The following MACROD2 variants were observed in gnomAD, a reference collection of about 807,000 sequenced individuals.
The protein encoded by MACROD2 is ADP-ribose glycohydrolase MACROD2.
Under a neutral mutation model 70.4 loss-of-function variants are expected in MACROD2, and 36 were observed. The ratio of observed to expected loss-of-function variants is 0.51; its 90% CI spans 0.39 to 0.68. The LOEUF is 0.68. Among genes scored for constraint, MACROD2 ranks in the 30% least tolerant of loss-of-function variants. The probability of loss-of-function intolerance (pLI) is 0.00; values close to 1 mark genes in which losing one functional copy is unlikely to be tolerated. For synonymous variants in MACROD2, 172 were observed against 178.8 expected, an observed-to-expected ratio of 0.96 and a Z score of 0.30; for missense variants, 496 against 538.4, an observed-to-expected ratio of 0.92 and a Z score of 0.78.
At chr20:14,429,500 C>G (rs558588702) in intron 3 of MACROD2, among the ~76,000 whole-genome samples, 1 of 152,136 alleles carries the variant, frequency 6.6e-6, no homozygotes, top group Non-Finnish European at 1.5e-5. Flanking sequence ...TTTAGAAGAT[C>G]AGAGAAAGCT....
chr20:15,514,731 T>G lies in MACROD2; in HGVS notation c.645+14884T>G, dbSNP rs188747857. Among the ~76,000 whole-genome samples, 5 of 152,354 alleles carry G rather than the reference T, an allele frequency of 3.3e-5. No homozygotes were observed. The East Asian group carries it at 9.6e-4, about 29-fold the overall frequency. ...ACCTTACTTGAATTAAATAATTTAA[T>G]TATCACAAAGATGCTATGTTATAGT... On this transcript the variant is annotated intron_variant, in intron 8 of 17. Transcript: ENST00000684519.
chr20:14,736,383 GT>G (rs1485403921), intron 5 of MACROD2, among the ~76,000 whole-genome samples: 1 of 152,154 alleles, frequency 6.6e-6, no homozygotes, highest in Non-Finnish European at 1.5e-5. Flanking sequence ...TGATGAAAAT[GT>G]TGTGGAACTA....
chr20:14,926,909 A>G (rs2074239828), intron 5 of MACROD2, among the ~76,000 whole-genome samples: 1 of 152,192 alleles, frequency 6.6e-6, no homozygotes, highest in African/African-American at 2.4e-5. Flanking sequence ...AACTGACACT[A>G]TAGCCTTACC....
At chr20:15,030,215 C>A (rs896211293) in intron 5 of MACROD2, among the ~76,000 whole-genome samples, 1 of 152,080 alleles carries the variant, frequency 6.6e-6, no homozygotes, top group Non-Finnish European at 1.5e-5. Context: ...TCCCTTTGCA[C>A]AAGGCAGGCT....
chr20:14,942,225 T>C (rs2122710174), intron 5 of MACROD2, among the ~76,000 whole-genome samples: 1 of 152,296 alleles, frequency 6.6e-6, no homozygotes, highest in African/African-American at 2.4e-5. Context: ...TTTTAAAATA[T>C]GTTCCTCATA....
At chr20:14,049,975 T>G (rs2053542326) in intron 2 of MACROD2, among the ~76,000 whole-genome samples, 1 of 150,242 alleles carries the variant, frequency 6.7e-6, no homozygotes, top group Admixed American at 6.7e-5. Flanking sequence ...TCCCAGCTAC[T>G]CAGGAGGCAG....
chr20:14,665,919 G>T (rs1484027990), intron 4 of MACROD2, among the ~76,000 whole-genome samples: 1 of 152,030 alleles, frequency 6.6e-6, no homozygotes, highest in African/African-American at 2.4e-5. Context: ...GTAATAAACT[G>T]CTGTTTTTCA....
intron 6 of MACROD2, among the ~76,000 whole-genome samples, chr20:15,302,101 C>A (rs2077650143): frequency 6.6e-6 from 1 of 152,154 alleles, no homozygotes; most frequent in East Asian, 1.9e-4. Context: ...TGCTCTTTGG[C>A]TCCCAGCATC....
At chr20:14,035,861 G>C (rs1003354775) in intron 2 of MACROD2, among the ~76,000 whole-genome samples, 2 of 152,222 alleles carry the variant, frequency 1.3e-5, no homozygotes, top group African/African-American at 4.8e-5. Context: ...GATAGACAGC[G>C]GCTGGGCGCG....
chr20:14,621,384 T>C (rs1348237714), intron 4 of MACROD2, among the ~76,000 whole-genome samples: 1 of 152,006 alleles, frequency 6.6e-6, no homozygotes, highest in East Asian at 1.9e-4. Context: ...GTAGCTAGGG[T>C]AATCATCATT....
rs527769689 is a variant in MACROD2, at chr20:14,177,877, A to G, written c.271+92149A>G. On this transcript the variant is annotated intron_variant, in intron 3 of 17. Coordinates refer to ENST00000684519, the MANE Select transcript of MACROD2 (RefSeq NM_001351661.2). Reference sequence around the variant, plus strand: ...AATAATGCACTAGGGATCTAAATGTAAAAAATAAAACCATACAAGCACTAG... The same window carrying G: ...AATAATGCACTAGGGATCTAAATGTGAAAAATAAAACCATACAAGCACTAG... Among the ~76,000 whole-genome samples, 14 of 152,320 alleles carry G rather than the reference A, an allele frequency of 9.2e-5. No homozygotes were observed. The South Asian group carries it at 1.4e-3, about 16-fold the overall frequency.
At chr20:15,219,129 C>G (rs2145961780) in intron 5 of MACROD2, among the ~76,000 whole-genome samples, 1 of 152,300 alleles carries the variant, frequency 6.6e-6, no homozygotes, top group Non-Finnish European at 1.5e-5. Context: ...ATGATTCTCC[C>G]TATGGAGTCG....
At position 14,566,656 on chromosome 20, in the gene MACROD2, A is replaced by G. The variant is rs148651417; in HGVS notation, c.301+73148A>G. The G allele has an allele frequency of 3.9e-5, 6 of 152,030 alleles. No homozygotes were observed. In the South Asian group the frequency reaches 1.2e-3, roughly 32 times the overall value. The allele number at this position is 152,030 out of a possible 1,614,324, so 9.4% of individuals were successfully genotyped here. On this transcript the variant is annotated intron_variant, in intron 4 of 17. Coordinates refer to ENST00000684519, the MANE Select transcript of MACROD2 (RefSeq NM_001351661.2). Reference sequence around the variant, plus strand: ...ATTTTCAGCTGATTCCTTCTCCAAGAATTTTCCTCAGAGACAGCTGCCTTG... The same window carrying G: ...ATTTTCAGCTGATTCCTTCTCCAAGGATTTTCCTCAGAGACAGCTGCCTTG...
intron 8 of MACROD2, among the ~76,000 whole-genome samples, chr20:15,699,229 G>A (rs1412099475): frequency 1.3e-5 from 2 of 152,154 alleles, no homozygotes; most frequent in Non-Finnish European, 2.9e-5. Flanking sequence ...AAGGTCTAGG[G>A]CTGAAGGCTG....
chr20:15,990,081 C>T (rs1245908101), intron 15 of MACROD2, among the ~76,000 whole-genome samples: 2 of 152,082 alleles, frequency 1.3e-5, no homozygotes, highest in Non-Finnish European at 2.9e-5. Flanking sequence ...GGACATGTCC[C>T]TGGGAGACCT....
chr20:15,023,826 A>G (rs2122974768), intron 5 of MACROD2, among the ~76,000 whole-genome samples: 1 of 152,224 alleles, frequency 6.6e-6, no homozygotes, highest in East Asian at 1.9e-4. Flanking sequence ...AACACAGCCA[A>G]ACCGTATCAC....
At chr20:15,545,355 G>A (rs1600567725) in intron 8 of MACROD2, among the ~76,000 whole-genome samples, 1 of 152,108 alleles carries the variant, frequency 6.6e-6, no homozygotes, top group African/African-American at 2.4e-5. Flanking sequence ...CTTGATCATC[G>A]GTTGTAATCC....
chr20:15,843,980 T>A (rs778726962), intron 8 of MACROD2, among the ~76,000 whole-genome samples: 18 of 151,952 alleles, frequency 1.2e-4, no homozygotes, highest in African/African-American at 3.9e-4. Context: ...TTGCCTTATA[T>A]GGATAATCTC....
chr20:14,683,647 G>A (rs1012899134), intron 4 of MACROD2, among the ~76,000 whole-genome samples: 2 of 152,124 alleles, frequency 1.3e-5, no homozygotes, highest in African/African-American at 4.8e-5. Context: ...AGTCAACCTG[G>A]ACATTAGACA....
Sources: allele counts gnomAD v4.1 joint callset (sites outside exome capture counted in the v4.1 genomes callset), GRCh38; gene constraint gnomAD v4.1.1; transcripts MANE v1.5; gene names NCBI Gene and HGNC (gene_info 2026-07-23, HGNC 2026-07-21).